The following HIPK2 variants were observed in gnomAD, a reference collection of about 807,000 sequenced individuals.
HIPK2 encodes homeodomain-interacting protein kinase 2.
In HIPK2, 27 loss-of-function variants were observed where a neutral mutation model predicts 113.7. The ratio of observed to expected loss-of-function variants is 0.24; its 90% CI spans 0.17 to 0.33. The LOEUF (loss-of-function observed/expected upper bound fraction) is 0.33, where lower values mean the gene tolerates loss of function less well. Among genes scored for constraint, HIPK2 ranks in the 10% least tolerant of loss-of-function variants. The probability of loss-of-function intolerance (pLI) is 1.00; values close to 1 mark genes in which losing one functional copy is unlikely to be tolerated. For missense variants in HIPK2, 1,257 were observed against 1,588.0 expected, an observed-to-expected ratio of 0.79 and a Z score of 3.54; for synonymous variants, 631 against 642.2, an observed-to-expected ratio of 0.98 and a Z score of 0.26.
intron 2 of HIPK2, among the ~76,000 whole-genome samples, chr7:139,676,901 G>A (rs2116681150): frequency 7.1e-6 from 1 of 140,852 alleles, no homozygotes; most frequent in African/African-American, 2.7e-5. Context: ...TGCTCTTGTT[G>A]CCCAGGCTGG....
intron 6 of HIPK2, among the ~76,000 whole-genome samples, chr7:139,624,859 A>C (rs1449665146): frequency 6.6e-6 from 1 of 152,204 alleles, no homozygotes; most frequent in Non-Finnish European, 1.5e-5. Context: ...TCACCTGGGG[A>C]GATGAGTTAC....
At chr7:139,578,635 A>G (rs1449838973) in intron 13 of HIPK2, among the ~76,000 whole-genome samples, 12 of 152,160 alleles carry the variant, frequency 7.9e-5, no homozygotes, top group African/African-American at 2.7e-4. Context: ...TGCTTGAAAT[A>G]TTTTTATCAC....
chr7:139,588,424 G>A (rs1396269140), intron 12 of HIPK2, among the ~76,000 whole-genome samples: 5 of 151,684 alleles, frequency 3.3e-5, no homozygotes, highest in Non-Finnish European at 7.4e-5. Context: ...GGCTGAGGTG[G>A]GAGAATTGCT....
chr7:139,710,900 G>A (rs529794308), intron 2 of HIPK2, among the ~76,000 whole-genome samples: 127 of 152,186 alleles, frequency 8.3e-4, no homozygotes, highest in African/African-American at 3.0e-3. Context: ...AGCCATATAA[G>A]ATGTGCCTGC....
At position 139,614,305 on chromosome 7, in the gene HIPK2, C is replaced by A; in HGVS notation, c.1971G>T (p.Val657=). The A allele has an allele frequency of 6.5e-7, 1 of 1,529,316 alleles. No individual in the cohort carries two copies. Among genetic ancestry groups the A allele is most frequent in the Non-Finnish European group, 8.9e-7 (1 of 1,126,216 alleles). The allele number at this position is 1,529,316 out of a possible 1,614,324, so 94.7% of individuals were successfully genotyped here. The change falls in exon 8 of 15, where the codon GTG becomes GTT. Residue 657 remains valine, a synonymous_variant. Coordinates refer to ENST00000406875, the MANE Select transcript of HIPK2 (RefSeq NM_022740.5). ...TCTTACCTTGGAAGCCGGGGGGACA[C>A]ACGATGAGAGCTTGCTGGAACGGGT... ...RPDPFQQALI[V]CPPGFQGLQA...
chr7:139,584,067 G>T lies in HIPK2; in HGVS notation c.2718-3C>A. ...TTTTTCTTTGCTTGGAGACAGTGCTGAAAATGCAAAGGGAGAAGTCAGAGG... is the reference window on the plus strand; with the variant it reads ...TTTTTCTTTGCTTGGAGACAGTGCTTAAAATGCAAAGGGAGAAGTCAGAGG... On this transcript the variant is annotated splice_polypyrimidine_tract_variant and splice_region_variant and intron_variant, in intron 12 of 14. Transcript: ENST00000406875. The T allele has an allele frequency of 6.4e-7, 1 of 1,574,046 alleles. No individual in the cohort carries two copies. Among genetic ancestry groups the T allele is most frequent in the South Asian group, 1.2e-5 (1 of 84,318 alleles).
intron 2 of HIPK2, among the ~76,000 whole-genome samples, chr7:139,662,544 C>T (rs1801900507): frequency 6.6e-6 from 1 of 152,100 alleles, no homozygotes; most frequent in East Asian, 1.9e-4. Flanking sequence ...GGGCCATATA[C>T]CAGGGGTGTA....
intron 11 of HIPK2, among the ~76,000 whole-genome samples, chr7:139,597,606 A>G (rs75807063): frequency 1.6e-3 from 246 of 152,338 alleles, no homozygotes; most frequent in African/African-American, 5.4e-3. Context: ...ATTTGTGTGC[A>G]TATAATTGCT....
chr7:139,684,105 G>T (rs1794145287), intron 2 of HIPK2, among the ~76,000 whole-genome samples: 1 of 152,012 alleles, frequency 6.6e-6, no homozygotes, highest in African/African-American at 2.4e-5. Context: ...TTTCATCATT[G>T]TGATATCTGT....
intron 2 of HIPK2, among the ~76,000 whole-genome samples, chr7:139,696,326 G>A (rs1029640643): frequency 9.9e-5 from 15 of 152,212 alleles, no homozygotes; most frequent in South Asian, 2.1e-4. Context: ...TAATCCCAGC[G>A]CTTTGGGAGG....
chr7:139,574,634 C>A (rs1415239161), intron 14 of HIPK2, among the ~76,000 whole-genome samples: 1 of 152,192 alleles, frequency 6.6e-6, no homozygotes, highest in Non-Finnish European at 1.5e-5. Context: ...CAGCCCTGCA[C>A]CCACAGAAAC....
At chr7:139,750,339 G>C (rs957512395) in intron 1 of HIPK2, among the ~76,000 whole-genome samples, 1 of 152,188 alleles carries the variant, frequency 6.6e-6, no homozygotes, top group Non-Finnish European at 1.5e-5. Flanking sequence ...AACCTTACCA[G>C]GTCGATTCCT....
intron 1 of HIPK2, among the ~76,000 whole-genome samples, chr7:139,761,070 C>T (rs1796454634): frequency 6.6e-6 from 1 of 152,180 alleles, no homozygotes. Flanking sequence ...CCACGTGTTA[C>T]TACGTGAAGT....
chr7:139,631,977 A>G lies in HIPK2; in HGVS notation c.1104-252T>C, dbSNP rs1402465882. Among the ~76,000 whole-genome samples the G allele has an allele frequency of 6.6e-6, 1 of 152,222 alleles. No homozygotes were observed. Among genetic ancestry groups the G allele is most frequent in the Non-Finnish European group, 1.5e-5 (1 of 68,044 alleles). ...CTGTGTGTTTAGAACACACCTACAG[A>G]GAACCACGTCTACTGACTTCATTAC... is the stretch of plus-strand genomic sequence containing the variant. On this transcript the variant is annotated intron_variant, in intron 2 of 14. Transcript: ENST00000406875. The surrounding 1 kb of genome is among the most constrained non-coding windows in gnomAD (Gnocchi z 4.9).
chr7:139,676,429 G>A (rs973146430), intron 2 of HIPK2, among the ~76,000 whole-genome samples: 2 of 152,126 alleles, frequency 1.3e-5, no homozygotes, highest in African/African-American at 2.4e-5. Flanking sequence ...TCCTCTGCCC[G>A]CCTCACAGAT....
intron 7 of HIPK2, among the ~76,000 whole-genome samples, chr7:139,616,430 T>C (rs1800045960): frequency 6.6e-6 from 1 of 152,212 alleles, no homozygotes; most frequent in South Asian, 2.1e-4. Flanking sequence ...CTGTTTTCCC[T>C]GGTTTGGCCA....
chr7:139,662,617 C>CTTT (rs373566905), intron 2 of HIPK2, among the ~76,000 whole-genome samples: 3 of 133,650 alleles, frequency 2.2e-5, no homozygotes, highest in African/African-American at 5.6e-5. Context: ...TAAAACACCA[C>CTTT]TTTTTTTTTT....
intron 2 of HIPK2, among the ~76,000 whole-genome samples, chr7:139,679,498 C>T (rs1585370458): frequency 6.6e-6 from 1 of 152,216 alleles, no homozygotes; most frequent in African/African-American, 2.4e-5. Context: ...ACACTATATG[C>T]TCAGAAATAC....
At chr7:139,732,572 T>A (rs902176683) in intron 1 of HIPK2, among the ~76,000 whole-genome samples, 3 of 152,080 alleles carry the variant, frequency 2.0e-5, no homozygotes, top group African/African-American at 7.2e-5. Context: ...AAGAGCTAAT[T>A]TTCAGATTGT....
Sources: allele counts gnomAD v4.1 joint callset (sites outside exome capture counted in the v4.1 genomes callset), GRCh38; gene constraint gnomAD v4.1.1; non-coding constraint Gnocchi (gnomAD v3.1); transcripts MANE v1.5; gene names NCBI Gene and HGNC (gene_info 2026-07-23, HGNC 2026-07-21).